The following ACER1 variants were observed in gnomAD, a reference collection of about 807,000 sequenced individuals.
The protein encoded by ACER1 is CTB-180A7.3.
Under a neutral mutation model 24.9 loss-of-function variants are expected in ACER1, and 28 were observed. That is an observed-to-expected ratio of 1.13 (90% CI 0.83 to 1.54). ACER1 has a LOEUF of 1.54. Ranked by LOEUF, ACER1 falls within the 40% of genes most tolerant of loss-of-function variation. ACER1 has a pLI of 0.00. For synonymous variants in ACER1, 132 were observed against 131.4 expected (o/e 1.00, Z -0.03); for missense variants, 352 against 349.3 (o/e 1.01, Z -0.06).
At chr19:6,338,649 G>A in the ACER1 span, among the ~76,000 whole-genome samples, 3 of 151,706 alleles carry the variant, frequency 2.0e-5, no homozygotes, top group African/African-American at 4.8e-5. Context: ...GTGCAGTGGT[G>A]CAATCACAGG....
Position 6,312,233 on chromosome 19 carries a change from T to G in ACER1, c.266A>C (p.Glu89Ala). Residue 89 changes from glutamate to alanine, a missense_variant, in exon 3 of 6, where the codon GAG becomes GCG. By Grantham distance (107) the Glu-to-Ala change is moderately radical (BLOSUM62 -1). Coordinates refer to ENST00000301452, the MANE Select transcript of ACER1 (RefSeq NM_133492.3). ...GCCCAGGAGCCACAGGATGGCGATC[T>G]CGTCCAGCAGCTGGCCCAGGAAGCT... ...TLSFLGQLLD[E>A]IAILWLLGSG... 6.2e-7 allele frequency: 1 copy of G among 1,614,034 alleles called. No homozygotes were observed. The highest frequency in any genetic ancestry group is 8.5e-7 in the Non-Finnish European group (1 of 1,179,950).
chr19:6,316,194 G>A (rs1488464112), intron 1 of ACER1, among the ~76,000 whole-genome samples: 4 of 152,210 alleles, frequency 2.6e-5, no homozygotes, highest in Non-Finnish European at 4.4e-5. Flanking sequence ...AGCAATTTGG[G>A]AGGCTGAGGC....
the ACER1 span, among the ~76,000 whole-genome samples, chr19:6,351,120 A>G: frequency 1.6e-3 from 249 of 152,264 alleles, 4 homozygotes; most frequent in African/African-American, 5.6e-3. Context: ...TAATCTCAGC[A>G]CTTTGGGAGG....
At chr19:6,317,076 C>T (rs2091606743) in intron 1 of ACER1, among the ~76,000 whole-genome samples, 2 of 148,136 alleles carry the variant, frequency 1.4e-5, no homozygotes, top group African/African-American at 4.9e-5. Context: ...TGGGTTCAAG[C>T]GATTCTCCTG....
chr19:6,342,808 G>A, the ACER1 span, among the ~76,000 whole-genome samples: 1 of 151,780 alleles, frequency 6.6e-6, no homozygotes, highest in African/African-American at 2.4e-5. Context: ...ACGGAGTTTT[G>A]CTCTTGTTGC....
At chr19:6,331,051 T>A (rs1477467835) in intron 1 of ACER1, among the ~76,000 whole-genome samples, 1 of 149,762 alleles carries the variant, frequency 6.7e-6, no homozygotes, top group East Asian at 1.9e-4. Context: ...TGGGATGAAG[T>A]CTGTATCATA....
At chr19:6,315,698 AC>A in intron 1 of ACER1, among the ~76,000 whole-genome samples, 1 of 151,080 alleles carries the variant, frequency 6.6e-6, no homozygotes, top group East Asian at 2.0e-4. Context: ...TATTTTTTGT[AC>A]AGATGGGATT....
intron 1 of ACER1, among the ~76,000 whole-genome samples, chr19:6,331,780 C>T (rs1325618047): frequency 2.0e-5 from 3 of 149,826 alleles, no homozygotes; most frequent in Non-Finnish European, 4.4e-5. Flanking sequence ...GGTGACAAAG[C>T]GAGACTCCGT....
intron 1 of ACER1, among the ~76,000 whole-genome samples, chr19:6,331,509 C>T (rs1036643660): frequency 1.3e-5 from 2 of 149,618 alleles, no homozygotes; most frequent in African/African-American, 2.4e-5. Flanking sequence ...CTAAGCACTA[C>T]GAGGCCGGGC....
At chr19:6,353,421 C>T in the ACER1 span, 3 of 152,146 alleles carry the variant, frequency 2.0e-5, no homozygotes, top group African/African-American at 7.2e-5. Flanking sequence ...GGTTGCTTGA[C>T]TCCAGGAATT....
chr19:6,316,464 C>T (rs557771640), intron 1 of ACER1, among the ~76,000 whole-genome samples: 1 of 152,184 alleles, frequency 6.6e-6, no homozygotes, highest in African/African-American at 2.4e-5. Flanking sequence ...AATGAAATGC[C>T]TTTGCGGCAA....
At chr19:6,352,163 C>T in the ACER1 span, among the ~76,000 whole-genome samples, 3 of 152,114 alleles carry the variant, frequency 2.0e-5, no homozygotes, top group South Asian at 6.2e-4. Flanking sequence ...CAGAGACAGC[C>T]GCCATCACTT....
At chr19:6,360,287 G>A in the ACER1 span, 2 of 152,070 alleles carry the variant, frequency 1.3e-5, no homozygotes, top group African/African-American at 4.8e-5. Flanking sequence ...AGTAGAAGTC[G>A]GCCACACCAG....
chr19:6,339,880 T>C, the ACER1 span, among the ~76,000 whole-genome samples: 1 of 151,860 alleles, frequency 6.6e-6, no homozygotes, highest in Non-Finnish European at 1.5e-5. Flanking sequence ...TTAGCCAGGA[T>C]GGTCTTGATC....
chr19:6,316,128 A>G (rs2091602210), intron 1 of ACER1, among the ~76,000 whole-genome samples: 1 of 152,156 alleles, frequency 6.6e-6, no homozygotes, highest in African/African-American at 2.4e-5. Context: ...ACTCCGTCTC[A>G]AAAAAAGAAA....
Position 6,306,508 on chromosome 19 carries a change from C to T in ACER1, c.*206G>A. The T allele has an allele frequency of 3.5e-6, 2 of 577,456 alleles. No homozygotes were observed. Among genetic ancestry groups the T allele is most frequent in the South Asian group, 5.5e-5 (2 of 36,674 alleles). 35.8% of individuals were successfully genotyped at this position (577,456 alleles called of 1,614,324 possible). ...TGGAGGGGAGATGCACGAGACAGCC[C>T]CCCACAGTCACCAGGCTGCTGCTCA... On this transcript the variant is annotated 3_prime_UTR_variant, in exon 6 of 6. Coordinates refer to ENST00000301452, the MANE Select transcript of ACER1 (RefSeq NM_133492.3).
At chr19:6,331,404 C>T (rs2091686371) in intron 1 of ACER1, among the ~76,000 whole-genome samples, 1 of 138,938 alleles carries the variant, frequency 7.2e-6, no homozygotes, top group Admixed American at 6.9e-5. Context: ...CCCCCTCGGC[C>T]TCCCAAAGTG....
the ACER1 span, among the ~76,000 whole-genome samples, chr19:6,355,900 G>A: frequency 1.4e-4 from 21 of 150,270 alleles, no homozygotes; most frequent in Admixed American, 7.9e-4. Flanking sequence ...GGTGAGGGGC[G>A]CCTCTGCCCG....
chr19:6,331,788 C>T (rs529288670), intron 1 of ACER1, among the ~76,000 whole-genome samples: 5 of 147,334 alleles, frequency 3.4e-5, no homozygotes, highest in African/African-American at 5.4e-5. Context: ...AGCGAGACTC[C>T]GTTTCAAAAC....
Sources: gnomAD v4.1 joint callset for allele counts (sites outside exome capture counted in the v4.1 genomes callset) on GRCh38, gnomAD v4.1.1 for gene constraint, MANE v1.5 for transcripts, NCBI Gene and HGNC (gene_info 2026-07-23, HGNC 2026-07-21) for gene names.